PTPRD: variants seen among roughly 807,000 people sequenced by gnomAD.
PTPRD encodes protein tyrosine phosphatase receptor type D, also known as receptor-type tyrosine-protein phosphatase delta.
PTPRD carries 34 observed loss-of-function variants against 214.5 expected under a neutral mutation model. That is an observed-to-expected ratio of 0.16 (90% CI 0.12 to 0.21). The LOEUF (loss-of-function observed/expected upper bound fraction) is 0.21, where lower values mean the gene tolerates loss of function less well. Among genes scored for constraint, PTPRD ranks in the 10% least tolerant of loss-of-function variants. PTPRD has a pLI of 1.00. For synonymous variants in PTPRD, 1,128 were observed against 845.7 expected (o/e 1.33, Z -5.79); for missense variants, 2,545 against 2,398.7 (o/e 1.06, Z -1.27).
At chr9:8,435,013 C>T (rs2095284188) in intron 35 of PTPRD, among the ~76,000 whole-genome samples, 1 of 152,092 alleles carries the variant, frequency 6.6e-6, no homozygotes, top group African/African-American at 2.4e-5. Context: ...ATGCTTGGAG[C>T]AGAATAAAGG....
At chr9:9,578,834 T>G (rs969815948) in intron 7 of PTPRD, among the ~76,000 whole-genome samples, 1 of 152,122 alleles carries the variant, frequency 6.6e-6, no homozygotes, top group Non-Finnish European at 1.5e-5. Context: ...TGAAGTTAAC[T>G]AAATTCAGAA....
At chr9:9,331,675 C>T (rs1314714022) in intron 9 of PTPRD, among the ~76,000 whole-genome samples, 4 of 152,138 alleles carry the variant, frequency 2.6e-5, no homozygotes, top group South Asian at 4.1e-4. Flanking sequence ...ATCTAATACA[C>T]GCAGGTAACA....
chr9:9,489,576 C>T (rs554318248), intron 8 of PTPRD, among the ~76,000 whole-genome samples: 15 of 151,818 alleles, frequency 9.9e-5, no homozygotes. Context: ...AAACCTAAAA[C>T]GAAACCTAAA....
chr9:9,446,179 A>T (rs1485612703), intron 8 of PTPRD, among the ~76,000 whole-genome samples: 1 of 152,158 alleles, frequency 6.6e-6, no homozygotes, highest in Non-Finnish European at 1.5e-5. Context: ...GATGACAAGA[A>T]AGTCAAAGTT....
chr9:9,427,636 G>A (rs2081454709), intron 8 of PTPRD, among the ~76,000 whole-genome samples: 1 of 152,148 alleles, frequency 6.6e-6, no homozygotes, highest in Non-Finnish European at 1.5e-5. Context: ...TGAAAAGAAG[G>A]AGAAAATGTT....
chr9:10,023,017 T>A (rs1299429015), intron 4 of PTPRD, among the ~76,000 whole-genome samples: 1 of 152,220 alleles, frequency 6.6e-6, no homozygotes, highest in Admixed American at 6.5e-5. Flanking sequence ...TAGACGCATA[T>A]ATTCTTTGTC....
chr9:10,163,459 G>C (rs2099141090), intron 3 of PTPRD, among the ~76,000 whole-genome samples: 1 of 151,414 alleles, frequency 6.6e-6, no homozygotes, highest in Non-Finnish European at 1.5e-5. Flanking sequence ...TATAAAGTGA[G>C]AGTGAATTTC....
intron 9 of PTPRD, among the ~76,000 whole-genome samples, chr9:9,259,817 G>C (rs550501379): frequency 6.6e-6 from 1 of 151,984 alleles, no homozygotes; most frequent in African/African-American, 2.4e-5. Flanking sequence ...CTGAAGGAAG[G>C]ATAGAACTCT....
At chr9:10,515,353 C>T (rs921644239) in intron 2 of PTPRD, among the ~76,000 whole-genome samples, 1 of 151,856 alleles carries the variant, frequency 6.6e-6, no homozygotes, top group East Asian at 1.9e-4. Flanking sequence ...ATGATAAAGC[C>T]TTTGTGGTCC....
intron 5 of PTPRD, among the ~76,000 whole-genome samples, chr9:9,825,698 C>A (rs1029398062): frequency 1.3e-5 from 2 of 151,892 alleles, no homozygotes; most frequent in African/African-American, 2.4e-5. Context: ...GTTTTCTGTG[C>A]CCTTAACAAC....
intron 8 of PTPRD, among the ~76,000 whole-genome samples, chr9:9,447,513 G>A (rs1275987944): frequency 6.6e-6 from 1 of 152,052 alleles, no homozygotes; most frequent in Non-Finnish European, 1.5e-5. Flanking sequence ...GGACCTATTG[G>A]AGGGTAGGAA....
intron 9 of PTPRD, among the ~76,000 whole-genome samples, chr9:9,389,844 G>A (rs12340793): frequency 0.27 from 40,315 of 152,068 alleles, 5,485 homozygotes; most frequent in Middle Eastern, 0.3. Flanking sequence ...TACAGGAGGG[G>A]ATATTCTAAA....
intron 10 of PTPRD, among the ~76,000 whole-genome samples, chr9:9,083,374 C>G (rs902834342): frequency 1.3e-5 from 2 of 152,126 alleles, no homozygotes; most frequent in African/African-American, 4.8e-5. Context: ...AACTGGACCT[C>G]TTCTTTATAC....
intron 5 of PTPRD, among the ~76,000 whole-genome samples, chr9:9,925,134 A>G (rs2083819547): frequency 6.6e-6 from 1 of 152,166 alleles, no homozygotes; most frequent in African/African-American, 2.4e-5. Flanking sequence ...TTGTAGCAGT[A>G]CAAAATTAAA....
intron 2 of PTPRD, among the ~76,000 whole-genome samples, chr9:10,406,155 T>C (rs1435458890): frequency 6.6e-6 from 1 of 151,406 alleles, no homozygotes; most frequent in Non-Finnish European, 1.5e-5. Flanking sequence ...GAAATATTCC[T>C]CTAGCTGAGA....
chr9:10,174,440 C>T (rs184600409), intron 3 of PTPRD, among the ~76,000 whole-genome samples: 12 of 152,216 alleles, frequency 7.9e-5, no homozygotes, highest in African/African-American at 2.6e-4. Flanking sequence ...AGGCCCTCAA[C>T]AGAAATAGGG....
At chr9:9,727,031 G>A (rs1372904834) in intron 7 of PTPRD, among the ~76,000 whole-genome samples, 2 of 152,166 alleles carry the variant, frequency 1.3e-5, no homozygotes, top group Non-Finnish European at 2.9e-5. Flanking sequence ...TGAACACCTG[G>A]AGAAGAGCTG....
chr9:10,248,403 C>T (rs550817684), intron 3 of PTPRD, among the ~76,000 whole-genome samples: 1 of 150,286 alleles, frequency 6.7e-6, no homozygotes, highest in African/African-American at 2.5e-5. Context: ...GGAAAAGAAA[C>T]TTAGGGAATG....
chr9:9,758,357 T>C (rs1192642395), intron 6 of PTPRD, among the ~76,000 whole-genome samples: 2 of 152,126 alleles, frequency 1.3e-5, no homozygotes, highest in Non-Finnish European at 2.9e-5. Flanking sequence ...TACCTTCTCA[T>C]ATGTGAAGAC....
Sources: gnomAD v4.1 joint callset for allele counts (sites outside exome capture counted in the v4.1 genomes callset) on GRCh38, gnomAD v4.1.1 for gene constraint, MANE v1.5 for transcripts, NCBI Gene and HGNC (gene_info 2026-07-23, HGNC 2026-07-21) for gene names.